The following INPP5A variants were observed in gnomAD, a reference collection of about 807,000 sequenced individuals.
INPP5A encodes the protein inositol polyphosphate-5-phosphatase A.
Under a neutral mutation model 65.2 loss-of-function variants are expected in INPP5A, and 14 were observed. The observed-to-expected ratio is 0.21, with a 90% CI of 0.14 to 0.34. INPP5A has a LOEUF of 0.34. Among genes scored for constraint, INPP5A ranks in the 10% least tolerant of loss-of-function variants. The probability of loss-of-function intolerance (pLI) is 1.00; values close to 1 mark genes in which losing one functional copy is unlikely to be tolerated. For missense variants in INPP5A, 431 were observed against 545.6 expected (o/e 0.79, Z 2.09); for synonymous variants, 207 against 208.3 (o/e 0.99, Z 0.05).
chr10:132,609,392 G>A (rs536723297), intron 2 of INPP5A, among the ~76,000 whole-genome samples: 43 of 152,218 alleles, frequency 2.8e-4, no homozygotes, highest in African/African-American at 1.0e-3. Context: ...GGCCAGTGGC[G>A]GGGGCGGGTT....
chr10:132,648,295 A>C (rs2072526099), intron 3 of INPP5A, among the ~76,000 whole-genome samples: 1 of 152,270 alleles, frequency 6.6e-6, no homozygotes, highest in Admixed American at 6.5e-5. Context: ...TGAGAGCTTC[A>C]CAGTGGAGTG....
intron 12 of INPP5A, among the ~76,000 whole-genome samples, 182 bp downstream of exon 12, chr10:132,766,028 G>A (rs1846836307): frequency 6.6e-6 from 1 of 152,246 alleles, no homozygotes; most frequent in South Asian, 2.1e-4. Flanking sequence ...TTGTGCATCT[G>A]TGTGCACAGG....
chr10:132,702,453 T>G (rs551515541), intron 6 of INPP5A, among the ~76,000 whole-genome samples: 1 of 152,274 alleles, frequency 6.6e-6, no homozygotes, highest in East Asian at 1.9e-4. Flanking sequence ...TTAACACAAA[T>G]AATCGAAAAC....
chr10:132,548,828 T>C (rs1419318308), intron 1 of INPP5A, among the ~76,000 whole-genome samples: 1 of 139,622 alleles, frequency 7.2e-6, no homozygotes, highest in African/African-American at 2.6e-5. Flanking sequence ...AGATAGGGTC[T>C]CACTTCCACC....
In INPP5A at chr10:132,759,654, G is replaced by A. The variant is rs370948753; in HGVS notation, c.904-6119G>A. ...AGCTCTCGGGAAGGGAGGTGGTGGG[G>A]GGCTCTCGGGGGTCCGGCTACAGTG... On this transcript the variant is annotated intron_variant, in intron 11 of 15. Transcript: ENST00000368594. Among the ~76,000 whole-genome samples the A allele has an allele frequency of 2.0e-5, 3 of 152,218 alleles. No individual in the cohort carries two copies. In the East Asian group the frequency reaches 5.8e-4, roughly 30 times the overall value.
intron 2 of INPP5A, among the ~76,000 whole-genome samples, chr10:132,628,045 A>G (rs1005566987): frequency 9.2e-5 from 14 of 151,988 alleles, no homozygotes; most frequent in Admixed American, 2.6e-4. Context: ...CTGCGGATCT[A>G]CTCTTGGTGA....
intron 8 of INPP5A, among the ~76,000 whole-genome samples, chr10:132,720,373 G>C (rs1249242455): frequency 2.1e-5 from 3 of 145,094 alleles, no homozygotes; most frequent in Non-Finnish European, 4.4e-5. Context: ...TGGTACCTGG[G>C]TTCTGTCTGG....
Position 132,663,475 on chromosome 10 carries a change from C to T in INPP5A, c.306+12970C>T, listed in dbSNP as rs2072762386. Reference sequence around the variant, plus strand: ...GCCTCAAGTGATCCTCTTGCCTTGGCCTCTCAAAGTGCTGGGATTACAGGT... The same window carrying T: ...GCCTCAAGTGATCCTCTTGCCTTGGTCTCTCAAAGTGCTGGGATTACAGGT... On this transcript the variant is annotated intron_variant, in intron 4 of 15. Transcript: ENST00000368594. This position sits in a 1 kb window ranked among gnomAD's most constrained non-coding sequence, Gnocchi z 4.5. 6.6e-6 allele frequency among the ~76,000 whole-genome samples: 1 copy of T among 152,206 alleles called. No homozygotes were observed. The highest frequency in any genetic ancestry group is 6.5e-5 in the Admixed American group (1 of 15,288).
intron 1 of INPP5A, among the ~76,000 whole-genome samples, chr10:132,559,722 AG>A (rs1222053047): frequency 6.6e-6 from 1 of 152,048 alleles, no homozygotes; most frequent in Non-Finnish European, 1.5e-5. Flanking sequence ...CGTGTGTTCC[AG>A]GGACTCCATT....
rs1371468872 is a variant in INPP5A at position 132,762,782 on chromosome 10, G to C, written c.904-2991G>C. Among the ~76,000 whole-genome samples the C allele has an allele frequency of 3.3e-5, 5 of 152,176 alleles. No homozygotes were observed. The highest frequency in any genetic ancestry group is 1.2e-4 in the African/African-American group (5 of 41,446). ...GAGGCAGGAGGATTGCTTGAGGCCA[G>C]TAGTCTCAGACAAGCCAGGGCAATG... On this transcript the variant is annotated intron_variant, in intron 11 of 15. Coordinates refer to ENST00000368594, the MANE Select transcript of INPP5A (RefSeq NM_005539.5). This position sits in a 1 kb window ranked among gnomAD's most constrained non-coding sequence, Gnocchi z 4.6.
At chr10:132,700,805 G>A (rs1845424725) in intron 6 of INPP5A, among the ~76,000 whole-genome samples, 1 of 152,216 alleles carries the variant, frequency 6.6e-6, no homozygotes, top group African/African-American at 2.4e-5. Context: ...TGCAGTCTCA[G>A]ATAATTACAG....
intron 11 of INPP5A, among the ~76,000 whole-genome samples, chr10:132,757,058 A>G (rs1846635226): frequency 6.6e-6 from 1 of 152,278 alleles, no homozygotes; most frequent in Non-Finnish European, 1.5e-5. Context: ...CTATTTGACA[A>G]AAGAGTGAAA....
At chr10:132,611,366 G>A (rs2071946434) in intron 2 of INPP5A, among the ~76,000 whole-genome samples, 2 of 146,122 alleles carry the variant, frequency 1.4e-5, no homozygotes, top group South Asian at 4.5e-4. Flanking sequence ...ATCAGAGGAG[G>A]GTGAGGGAGG....
chr10:132,572,809 C>T lies in INPP5A; in HGVS notation c.75+34638C>T, dbSNP rs139991748. 5.2e-3 allele frequency among the ~76,000 whole-genome samples: 794 copies of T among 152,264 alleles called. 5 individuals are homozygous for T. The highest frequency in any genetic ancestry group is 0.018 in the African/African-American group (753 of 41,526). Reference sequence around the variant, plus strand: ...CTGCTGGGCGTCTGTCTGCAGCGTGCCTTGGAGTGTTTCCCTTGCTCTGCT... The same window carrying T: ...CTGCTGGGCGTCTGTCTGCAGCGTGTCTTGGAGTGTTTCCCTTGCTCTGCT... On this transcript the variant is annotated intron_variant, in intron 1 of 15. Transcript: ENST00000368594.
At chr10:132,553,764 A>G (rs1224814533) in intron 1 of INPP5A, among the ~76,000 whole-genome samples, 39 of 123,850 alleles carry the variant, frequency 3.1e-4, no homozygotes, top group Middle Eastern at 7.6e-3. Context: ...TGGAATATTG[A>G]GTAGGATAGG....
intron 9 of INPP5A, among the ~76,000 whole-genome samples, chr10:132,743,828 C>T (rs1846320519): frequency 6.6e-6 from 1 of 152,196 alleles, no homozygotes; most frequent in African/African-American, 2.4e-5. Flanking sequence ...GCTGAGGACA[C>T]CCTCCAAGGC....
chr10:132,636,247 C>T (rs1329790241), intron 2 of INPP5A, among the ~76,000 whole-genome samples: 1 of 151,568 alleles, frequency 6.6e-6, no homozygotes, highest in South Asian at 2.1e-4. Flanking sequence ...AGAATGAAAT[C>T]GTCTTTTGCA....
intron 9 of INPP5A, among the ~76,000 whole-genome samples, chr10:132,737,457 G>A (rs180919718): frequency 6.6e-6 from 1 of 151,440 alleles, no homozygotes; most frequent in Non-Finnish European, 1.5e-5. Flanking sequence ...TCCTACTGCC[G>A]TGGACTAATG....
At position 132,628,471 on chromosome 10, in the gene INPP5A, G is replaced by A. The variant is rs867038939; in HGVS notation, c.118-17397G>A. 2.0e-3 allele frequency among the ~76,000 whole-genome samples: 299 copies of A among 150,922 alleles called. 23 individuals are homozygous for A. The highest frequency in any genetic ancestry group is 6.4e-3 in the African/African-American group (263 of 41,086). On this transcript the variant is annotated intron_variant, in intron 2 of 15. Coordinates refer to ENST00000368594, the MANE Select transcript of INPP5A (RefSeq NM_005539.5). ...CAGATGTGCTCTGGTGGCGGGGGGG[G>A]GGGGGGGCGTGGCGTGGGGGACACG... is the stretch of plus-strand genomic sequence containing the variant.
Sources: allele counts gnomAD v4.1 joint callset (sites outside exome capture counted in the v4.1 genomes callset), GRCh38; gene constraint gnomAD v4.1.1; non-coding constraint Gnocchi (gnomAD v3.1); transcripts MANE v1.5; gene names NCBI Gene and HGNC (gene_info 2026-07-23, HGNC 2026-07-21).